The following TTC6 variants were observed in gnomAD, a reference collection of about 807,000 sequenced individuals.
The protein encoded by TTC6 is tetratricopeptide repeat protein 6.
TTC6 carries 172 observed loss-of-function variants against 210.4 expected under a neutral mutation model. The observed-to-expected ratio is 0.82, with a 90% CI of 0.72 to 0.93. The LOEUF (loss-of-function observed/expected upper bound fraction) is 0.93, where lower values mean the gene tolerates loss of function less well. Among genes scored for constraint, TTC6 ranks in the 40% least tolerant of loss-of-function variants. The pLI is 0.00. For missense variants in TTC6, 2,414 were observed against 2,318.1 expected (o/e 1.04, Z -0.85); for synonymous variants, 804 against 819.6 (o/e 0.98, Z 0.32).
chr14:37,790,536 C>G (rs545380257), intron 15 of TTC6, among the ~76,000 whole-genome samples, 181 bp from the exon 18 acceptor site: 3 of 152,234 alleles, frequency 2.0e-5, no homozygotes, highest in East Asian at 3.9e-4. Context: ...CTAATAAATA[C>G]ATTTTAATGT....
intron 9 of TTC6, 93 bp downstream of exon 11, chr14:37,737,827 C>T: frequency 1.6e-6 from 1 of 634,594 alleles, no homozygotes; most frequent in Non-Finnish European, 2.6e-6. Context: ...GCATCTACTT[C>T]TATATTATAT....
At chr14:37,837,990 T>G (rs940938060) in intron 29 of TTC6, among the ~76,000 whole-genome samples, 21 of 152,154 alleles carry the variant, frequency 1.4e-4, no homozygotes, top group Admixed American at 1.4e-3. Flanking sequence ...TCATTAGGCT[T>G]GAGGACATCT....
intron 28 of TTC6, 148 bp downstream of exon 30, chr14:37,826,495 G>A (rs1380360226): frequency 1.3e-5 from 10 of 752,814 alleles, no homozygotes; most frequent in African/African-American, 1.8e-5. Context: ...GTGATCCCTA[G>A]GGTAAAGAGT....
intron 14 of TTC6, among the ~76,000 whole-genome samples, chr14:37,771,173 A>G (rs1241454652): frequency 6.6e-6 from 1 of 152,070 alleles, no homozygotes; most frequent in East Asian, 1.9e-4. Context: ...CGAGAGATCC[A>G]CTGTTAGTCT....
intron 14 of TTC6, among the ~76,000 whole-genome samples, chr14:37,766,041 A>T (rs8003990): frequency 0.94 from 143,246 of 152,148 alleles, 67,749 homozygotes; most frequent in Non-Finnish European, 1. Context: ...TCTATGTGAA[A>T]CTCTTTGAGT....
chr14:37,698,566 C>T (rs1300919585), intron 4 of TTC6, among the ~76,000 whole-genome samples: 1 of 152,028 alleles, frequency 6.6e-6, no homozygotes, highest in Admixed American at 6.6e-5. Flanking sequence ...CTGGACACCC[C>T]CTTTCACTCC....
At chr14:37,781,422 G>A (rs1270479814) in intron 14 of TTC6, among the ~76,000 whole-genome samples, 2 of 152,130 alleles carry the variant, frequency 1.3e-5, no homozygotes, top group Non-Finnish European at 2.9e-5. Context: ...CTGCATAAAT[G>A]TCTTTTTTTT....
chr14:37,820,078 T>C (rs1253259307), intron 26 of TTC6, among the ~76,000 whole-genome samples: 3 of 152,218 alleles, frequency 2.0e-5, no homozygotes, highest in South Asian at 4.1e-4. Context: ...CATTTTCCCA[T>C]TGGCTAACTG....
chr14:37,732,178 T>C (rs1475974590), intron 7 of TTC6, among the ~76,000 whole-genome samples: 1 of 69,654 alleles, frequency 1.4e-5, no homozygotes, highest in African/African-American at 9.6e-5. Context: ...GTATTCTTTT[T>C]TTTTTTTTTT....
chr14:37,754,094 G>A (rs1322124117), intron 14 of TTC6, among the ~76,000 whole-genome samples: 2 of 151,834 alleles, frequency 1.3e-5, no homozygotes, highest in Non-Finnish European at 2.9e-5. Flanking sequence ...TTTTATTTTA[G>A]TTTAAGTTCT....
intron 1 of TTC6, among the ~76,000 whole-genome samples, chr14:37,661,196 T>C (rs886776408): frequency 1.3e-5 from 2 of 152,196 alleles, no homozygotes; most frequent in African/African-American, 4.8e-5. Flanking sequence ...TTTAATTAGA[T>C]CCCGTTTGTC....
At chr14:37,609,957 C>G (rs2095631587) in intron 2 of TTC6, among the ~76,000 whole-genome samples, 1 of 152,176 alleles carries the variant, frequency 6.6e-6, no homozygotes, top group Non-Finnish European at 1.5e-5. Flanking sequence ...GTTGGCAGAT[C>G]TTTTTCTGCA....
chr14:37,804,882 G>C, intron 21 of TTC6, 68 bp downstream of exon 23: 10 of 1,567,326 alleles, frequency 6.4e-6, no homozygotes, highest in Non-Finnish European at 8.7e-6. Flanking sequence ...ATGCAATTCT[G>C]TTTCTGAAGG....
intron 2 of TTC6, among the ~76,000 whole-genome samples, chr14:37,610,064 A>G (rs994585465): frequency 3.9e-5 from 6 of 152,178 alleles, no homozygotes; most frequent in South Asian, 2.1e-4. Flanking sequence ...TATGATCTCA[A>G]TTTTACAGAT....
intron 3 of TTC6, among the ~76,000 whole-genome samples, chr14:37,686,560 C>T (rs548055122): frequency 1.3e-5 from 2 of 152,252 alleles, no homozygotes; most frequent in East Asian, 3.9e-4. Flanking sequence ...CTGATAAAGA[C>T]ATATCCAAAA....
chr14:37,657,540 T>C (rs1257916891), intron 1 of TTC6, among the ~76,000 whole-genome samples: 1 of 152,116 alleles, frequency 6.6e-6, no homozygotes. Context: ...CTAATGTGAA[T>C]GGTGTGAACA....
rs758099983 is a variant in TTC6, at chr14:37,792,270, TA to T, written c.3565del (p.Thr1189LeufsTer5). On this transcript the variant is annotated frameshift_variant, in exon 17 of 31. Coordinates refer to ENST00000553443, the Ensembl canonical transcript of TTC6. LOFTEE classifies it high-confidence loss of function. ...CTTTCTCATTTTTTTTTAGAACTAT[TA>T]CTTTGGCTTATGTAAATATTGGCCT... 1.3e-5 allele frequency: 20 copies of T among 1,505,104 alleles called. No individual in the cohort carries two copies. The African/African-American group carries it at 2.7e-4, about 20-fold the overall frequency. The allele number at this position is 1,505,104 out of a possible 1,614,324, so 93.2% of individuals were successfully genotyped here. A position where few individuals can be genotyped will look rare whatever the true frequency, so the allele number is the denominator to read the frequency against.
intron 29 of TTC6, among the ~76,000 whole-genome samples, chr14:37,829,917 C>G (rs1023479044): frequency 1.3e-5 from 2 of 151,988 alleles, no homozygotes; most frequent in Admixed American, 6.6e-5. Context: ...ACCCTTATTG[C>G]ACATTTTAGT....
chr14:37,642,131 G>A (rs932651482), intron 1 of TTC6, among the ~76,000 whole-genome samples: 2 of 152,114 alleles, frequency 1.3e-5, no homozygotes, highest in Non-Finnish European at 2.9e-5. Context: ...TCAGATCTCT[G>A]CTTTGGTGGG....
Sources: allele counts gnomAD v4.1 joint callset (sites outside exome capture counted in the v4.1 genomes callset), GRCh38; gene constraint gnomAD v4.1.1; transcripts MANE v1.5; gene names NCBI Gene and HGNC (gene_info 2026-07-23, HGNC 2026-07-21).